The following NLGN4X variants were observed in gnomAD, a reference collection of about 807,000 sequenced individuals.
NLGN4X encodes the protein neuroligin 4 X-linked, also known as neuroligin-4, X-linked.
NLGN4X carries 3 observed loss-of-function variants against 40.3 expected under a neutral mutation model. The observed-to-expected ratio is 0.07, with a 90% CI of 0.03 to 0.19. The LOEUF (loss-of-function observed/expected upper bound fraction) is 0.19, where lower values mean the gene tolerates loss of function less well. NLGN4X is among the 10% of genes least tolerant of loss of function. The probability of loss-of-function intolerance (pLI) is 1.00; values close to 1 mark genes in which losing one functional copy is unlikely to be tolerated. For missense variants in NLGN4X, 382 were observed against 708.3 expected, an observed-to-expected ratio of 0.54 and a Z score of 5.23; for synonymous variants, 270 against 306.8, an observed-to-expected ratio of 0.88 and a Z score of 1.25.
chrX:5,932,957 C>A (rs2033603495), intron 3 of NLGN4X, among the ~76,000 whole-genome samples: 1 of 111,107 alleles, frequency 9.0e-6, no homozygotes, highest in Admixed American at 9.6e-5. Context: ...ACAGAAAATT[C>A]TAATAGCCTT....
intron 1 of NLGN4X, among the ~76,000 whole-genome samples, chrX:6,197,021 T>C (rs1923151062): frequency 8.9e-6 from 1 of 111,945 alleles, no homozygotes; most frequent in African/African-American, 3.2e-5. Context: ...ATAATCACTA[T>C]TTCATGTTTC....
intron 2 of NLGN4X, among the ~76,000 whole-genome samples, chrX:6,072,915 A>G (rs754487546): frequency 1.5e-4 from 17 of 112,530 alleles, no homozygotes; most frequent in Admixed American, 8.5e-4. Context: ...TGCCATATTC[A>G]TTGTACACTG....
intron 2 of NLGN4X, among the ~76,000 whole-genome samples, chrX:6,101,309 GT>G (rs1270277688): frequency 9.0e-6 from 1 of 111,503 alleles, no homozygotes; most frequent in African/African-American, 3.3e-5. Flanking sequence ...AAATTCATAT[GT>G]TTATATCCAA....
intron 2 of NLGN4X, chrX:6,032,790 G>T: frequency 2.1e-6 from 2 of 947,379 alleles, no homozygotes; most frequent in Non-Finnish European, 2.9e-6. Context: ...GGAAAAAAGA[G>T]AATTCAAAAA....
intron 3 of NLGN4X, among the ~76,000 whole-genome samples, chrX:6,015,903 A>C (rs1319680149): frequency 1.8e-5 from 2 of 111,972 alleles, no homozygotes; most frequent in African/African-American, 3.2e-5. Flanking sequence ...GCTGAAGATT[A>C]TGTTTTCAGA....
At chrX:6,055,754 C>A (rs1376975992) in intron 2 of NLGN4X, among the ~76,000 whole-genome samples, 1 of 111,448 alleles carries the variant, frequency 9.0e-6, no homozygotes, top group Non-Finnish European at 1.9e-5. Context: ...ATGGATTATT[C>A]TGATATCAGT....
chrX:6,139,727 T>C (rs979736314), intron 2 of NLGN4X, among the ~76,000 whole-genome samples: 16 of 111,939 alleles, frequency 1.4e-4, no homozygotes, highest in African/African-American at 4.5e-4. Flanking sequence ...TTGGTTTAGT[T>C]GGGTCACATA....
chrX:6,170,720 TATG>T (rs2040588190), intron 1 of NLGN4X, among the ~76,000 whole-genome samples: 1 of 112,463 alleles, frequency 8.9e-6, no homozygotes, highest in Non-Finnish European at 1.9e-5. Context: ...ATATATGCTC[TATG>T]ATATTTCTAA....
At chrX:6,063,071 T>C (rs1019971089) in intron 2 of NLGN4X, among the ~76,000 whole-genome samples, 3 of 111,276 alleles carry the variant, frequency 2.7e-5, no homozygotes, top group Non-Finnish European at 5.7e-5. Context: ...CCCCTTTTCA[T>C]TGAGGTTGTC....
chrX:6,013,428 G>C (rs2036306175), intron 3 of NLGN4X, among the ~76,000 whole-genome samples: 1 of 109,757 alleles, frequency 9.1e-6, no homozygotes, highest in Non-Finnish European at 1.9e-5. Flanking sequence ...TGAGTAAATA[G>C]ATTCACTCCT....
chrX:6,077,268 TTTTGTG>T (rs1376452171), intron 2 of NLGN4X, among the ~76,000 whole-genome samples: 225 of 99,393 alleles, frequency 2.3e-3, no homozygotes, highest in African/African-American at 7.5e-3. Context: ...CAAAATTTTA[TTTTGTG>T]TGTGTGTGTG....
chrX:5,896,656 T>C (rs974064333), intron 5 of NLGN4X, among the ~76,000 whole-genome samples: 11 of 112,315 alleles, frequency 9.8e-5, no homozygotes, highest in African/African-American at 3.6e-4. Flanking sequence ...TTCTAAGGTC[T>C]AGTTCATTTC....
At chrX:6,216,835 A>G (rs1449967641) in intron 1 of NLGN4X, among the ~76,000 whole-genome samples, 1 of 112,196 alleles carries the variant, frequency 8.9e-6, no homozygotes, top group Non-Finnish European at 1.9e-5. Flanking sequence ...CCAGGCTGCA[A>G]TGCAGTAGTG....
intron 3 of NLGN4X, among the ~76,000 whole-genome samples, chrX:5,974,892 G>GTTA (rs2147036767): frequency 8.9e-6 from 1 of 111,829 alleles, no homozygotes; most frequent in East Asian, 2.8e-4. Flanking sequence ...GCACTTTGGG[G>GTTA]CCATTGTTAA....
chrX:6,157,674 T>C (rs765143159), intron 1 of NLGN4X, among the ~76,000 whole-genome samples: 11 of 111,241 alleles, frequency 9.9e-5, no homozygotes, highest in Non-Finnish European at 1.5e-4. Flanking sequence ...CTTATAACTT[T>C]GGAAAAGGGG....
At position 5,903,109 on chromosome X, in the gene NLGN4X, G is replaced by C. The variant is rs896385741; in HGVS notation, c.1569C>G (p.Val523=). The C allele has an allele frequency of 3.3e-6, 4 of 1,210,660 alleles. No homozygotes were observed. The highest frequency in any genetic ancestry group is 4.5e-6 in the Non-Finnish European group (4 of 895,400). Residue 523 remains valine, a synonymous_variant, in exon 5 of 6, where the codon GTC becomes GTG. Coordinates refer to ENST00000381095, the MANE Select transcript of NLGN4X (RefSeq NM_181332.3). ...TGGCGAAGTTCGTCCAGTAGGTCAT[G>C]ACCACGGCGCTGAGCATGACGTCGT... ...SKNDVMLSAV[V]MTYWTNFAKT... is the part of the protein sequence containing the mutation.
At chrX:6,143,455 G>A (rs928750044) in intron 2 of NLGN4X, among the ~76,000 whole-genome samples, 1 of 112,285 alleles carries the variant, frequency 8.9e-6, no homozygotes, top group Non-Finnish European at 1.9e-5. Context: ...AATAAGACAT[G>A]TAAAGGTGCA....
intron 2 of NLGN4X, among the ~76,000 whole-genome samples, chrX:6,106,099 C>T (rs2039025981): frequency 8.9e-6 from 1 of 111,813 alleles, no homozygotes; most frequent in African/African-American, 3.3e-5. Flanking sequence ...CCAAATCAAA[C>T]TCATTAATAT....
intron 1 of NLGN4X, among the ~76,000 whole-genome samples, chrX:6,207,981 TCA>T (rs1457327863): frequency 8.9e-6 from 1 of 111,945 alleles, no homozygotes; most frequent in African/African-American, 3.3e-5. Flanking sequence ...TCATATTCAC[TCA>T]CAGAATATCA....
Sources: gnomAD v4.1 joint callset for allele counts (sites outside exome capture counted in the v4.1 genomes callset) on GRCh38, gnomAD v4.1.1 for gene constraint, MANE v1.5 for transcripts, NCBI Gene and HGNC (gene_info 2026-07-23, HGNC 2026-07-21) for gene names.